DYRK2: variants seen among roughly 807,000 people sequenced by gnomAD.
DYRK2 encodes dual specificity tyrosine phosphorylation regulated kinase 2.
In DYRK2, 12 loss-of-function variants were observed where a neutral mutation model predicts 41.6. The observed-to-expected ratio is 0.29, with a 90% confidence interval of 0.18 to 0.47. DYRK2 has a LOEUF of 0.47. Ranked by LOEUF, DYRK2 falls within the 20% of genes least tolerant of loss-of-function variation. The pLI, the probability that DYRK2 is intolerant of heterozygous loss-of-function variation, is 1.00. For synonymous variants in DYRK2, 322 were observed against 315.7 expected (o/e 1.02, Z -0.21); for missense variants, 678 against 798.4 (o/e 0.85, Z 1.82).
Position 67,657,485 on chromosome 12 carries a change from G to A in DYRK2, c.578G>A (p.Gly193Asp). Residue 193 changes from glycine to aspartate, a missense_variant, in exon 3 of 3, where the codon GGC becomes GAC. Gly to Asp is a moderately conservative substitution (Grantham distance 94). Transcript: ENST00000344096. The surrounding 1 kb of genome is among the most constrained non-coding windows in gnomAD (Gnocchi z 4.8). ...FLGLNAKKRQ[G>D]MTGGPNNGGY... ...GGTCTAAATGCTAAGAAGCGCCAGG[G>A]CATGACAGGTGGGCCCAACAATGGT... The A allele has an allele frequency of 6.2e-7, 1 of 1,614,110 alleles. No homozygotes were observed. The highest frequency in any genetic ancestry group is 8.5e-7 in the Non-Finnish European group (1 of 1,180,010).
Position 67,657,990 on chromosome 12 carries a change from A to T in DYRK2, c.1083A>T (p.Arg361Ser). 1 of 1,614,244 alleles carries T rather than the reference A, an allele frequency of 6.2e-7. No individual in the cohort carries two copies. The highest frequency in any genetic ancestry group is 1.1e-5 in the South Asian group (1 of 91,086). The stretch of plus-strand genomic sequence containing the variant: ...ACATTTTGTTAAAGCAGCAGGGTAG[A>T]AGCGGTATTAAAGTAATTGATTTTG... ...PENILLKQQGRSGIKVIDFGS... is the reference protein window; with the variant it reads ...PENILLKQQGSSGIKVIDFGS... Residue 361 changes from arginine (R) to serine (S), a missense_variant, in exon 3 of 3, where the codon AGA becomes AGT. Physicochemically the swap from Arg to Ser is moderately radical, Grantham distance 110. Transcript: ENST00000344096. This position sits in a 1 kb window ranked among gnomAD's most constrained non-coding sequence, Gnocchi z 4.8.
chr12:67,649,215 G>C, intron 1 of DYRK2, 33 bp downstream of exon 1: 1 of 1,467,270 alleles, frequency 6.8e-7, no homozygotes, highest in Non-Finnish European at 9.1e-7. Context: ...CCGCATCCCC[G>C]GACCCCCGCC....
chr12:67,657,827 A>G lies in DYRK2; in HGVS notation c.920A>G (p.Asn307Ser). ...ATGACGTTTGAGCTGCTGAGCATGA[A>G]CCTCTATGAGCTCATCAAGAAGAAT... ...ICMTFELLSM[N>S]LYELIKKNKF... is the part of the protein sequence containing the mutation. The change falls in exon 3 of 3, where the codon AAC becomes AGC. Residue 307 changes from asparagine (N) to serine (S), a missense_variant. Around this residue, in one of 2 missense-constraint regions of DYRK2, gnomAD observed 393 missense variants for 519.1 expected, o/e 0.76. Transcript: ENST00000344096. The surrounding 1 kb of genome is among the most constrained non-coding windows in gnomAD (Gnocchi z 4.8). 6.2e-7 allele frequency: 1 copy of G among 1,614,098 alleles called. No individual in the cohort carries two copies. Among genetic ancestry groups the G allele is most frequent in the South Asian group, 1.1e-5 (1 of 91,050 alleles).
intron 2 of DYRK2, among the ~76,000 whole-genome samples, chr12:67,655,678 G>A (rs1355651699): frequency 6.6e-6 from 1 of 152,192 alleles, no homozygotes; most frequent in Non-Finnish European, 1.5e-5. Flanking sequence ...TTAGAAGTGG[G>A]CAGAGAGGAA....
chr12:67,658,478 T>C lies in DYRK2; in HGVS notation c.1571T>C (p.Met524Thr). 1 of 1,605,306 alleles carries C rather than the reference T, an allele frequency of 6.2e-7. No homozygotes were observed. ...TTAGAGTGGGATCCTGCAGTGCGCA[T>C]GACCCCAGGCCAGGCTTTGCGGCAC... ...QCLEWDPAVR[M>T]TPGQALRHPW... Residue 524 changes from methionine (M) to threonine (T), a missense_variant, in exon 3 of 3, where the codon ATG becomes ACG. By Grantham distance (81) the Met-to-Thr change is moderately conservative. Around this residue, in one of 2 missense-constraint regions of DYRK2, gnomAD observed 393 missense variants for 519.1 expected, o/e 0.76. Transcript: ENST00000344096. The surrounding 1 kb of genome is among the most constrained non-coding windows in gnomAD (Gnocchi z 4.3).
In DYRK2 at chr12:67,658,121, T is replaced by C. The variant is rs1275229370; in HGVS notation, c.1214T>C (p.Met405Thr). 2 of 1,614,216 alleles carry C rather than the reference T, an allele frequency of 1.2e-6. No homozygotes were observed. Among genetic ancestry groups the C allele is most frequent in the African/African-American group, 1.3e-5 (1 of 75,062 alleles). Residue 405 changes from methionine (M) to threonine (T), a missense_variant, in exon 3 of 3, where the codon ATG (methionine) becomes ACG (threonine). Physicochemically the swap from Met to Thr is moderately conservative, Grantham distance 81. Coordinates refer to ENST00000344096, the MANE Select transcript of DYRK2 (RefSeq NM_006482.3). The surrounding 1 kb of genome is among the most constrained non-coding windows in gnomAD (Gnocchi z 4.3). Reference sequence around the variant, plus strand: ...GCCAGGTATGGCATGCCCATTGATATGTGGAGCCTGGGCTGCATTTTAGCA... The same window carrying C: ...GCCAGGTATGGCATGCCCATTGATACGTGGAGCCTGGGCTGCATTTTAGCA... ...LGARYGMPID[M>T]WSLGCILAEL...
rs1872661359 is a variant in DYRK2 at position 67,662,923 on chromosome 12, G to T, written c.*4210G>T. Reference sequence around the variant, plus strand: ...CCCAGGATATTCTATTCCTTCACCTGTCAGATTTTTATGTTAACTTTTTTA... The same window carrying T: ...CCCAGGATATTCTATTCCTTCACCTTTCAGATTTTTATGTTAACTTTTTTA... On this transcript the variant is annotated 3_prime_UTR_variant, in exon 3 of 3. Transcript: ENST00000344096. 1 of 152,104 alleles carries T rather than the reference G, an allele frequency of 6.6e-6. No homozygotes were observed. The highest frequency in any genetic ancestry group is 6.6e-5 in the Admixed American group (1 of 15,262). 9.4% of individuals were successfully genotyped at this position (152,104 alleles called of 1,614,324 possible). A position where few individuals can be genotyped will look rare whatever the true frequency, so the allele number is the denominator to read the frequency against.
At chr12:67,649,543 C>A in intron 1 of DYRK2, 1 of 390,158 alleles carries the variant, frequency 2.6e-6, no homozygotes, top group Non-Finnish European at 4.4e-6. Context: ...CCGCCTAGCC[C>A]CGGCGCGGCC....
In DYRK2 at chr12:67,660,883, A is replaced by G. The variant is rs917899690; in HGVS notation, c.*2170A>G. The G allele has an allele frequency of 1.2e-5, 2 of 166,868 alleles. No homozygotes were observed. Among genetic ancestry groups the G allele is most frequent in the Non-Finnish European group, 2.9e-5 (2 of 68,104 alleles). The allele number at this position is 166,868 out of a possible 1,614,324, so 10.3% of individuals were successfully genotyped here. A position where few individuals can be genotyped will look rare whatever the true frequency, so the allele number is the denominator to read the frequency against. On this transcript the variant is annotated 3_prime_UTR_variant, in exon 3 of 3. Coordinates refer to ENST00000344096, the MANE Select transcript of DYRK2 (RefSeq NM_006482.3). ...CATTTCCAGTTATCTTCACATTTAC[A>G]TTTAAATATACAAACCTGAGCCTGC...
chr12:67,660,553 T>C lies in DYRK2; in HGVS notation c.*1840T>C, dbSNP rs992487826. 5 of 167,064 alleles carry C rather than the reference T, an allele frequency of 3.0e-5. No individual in the cohort carries two copies. The highest frequency in any genetic ancestry group is 9.6e-5 in the African/African-American group (4 of 41,456). 10.3% of individuals were successfully genotyped at this position (167,064 alleles called of 1,614,324 possible). ...AATTTGTACTTCTGTGTTTAGAAAT[T>C]ATAGCTTCTTTTCCCTTAGTCAAAT... is the stretch of plus-strand genomic sequence containing the variant. On this transcript the variant is annotated 3_prime_UTR_variant, in exon 3 of 3. Coordinates refer to ENST00000344096, the MANE Select transcript of DYRK2 (RefSeq NM_006482.3).
At position 67,663,259 on chromosome 12, in the gene DYRK2, ATG is replaced by A. The variant is rs1872669449; in HGVS notation, c.*4547_*4548del. On this transcript the variant is annotated 3_prime_UTR_variant, in exon 3 of 3. Transcript: ENST00000344096. ...AAGGCCTAGGAACTGCAATTAGCTCATGATTTGTCAAGTTCAGTTAGTACCAA... is the reference window on the plus strand; with the variant it reads ...AAGGCCTAGGAACTGCAATTAGCTCAATTTGTCAAGTTCAGTTAGTACCAA... The A allele has an allele frequency of 6.6e-6, 1 of 152,070 alleles. No homozygotes were observed. The highest frequency in any genetic ancestry group is 6.6e-5 in the Admixed American group (1 of 15,266). 9.4% of individuals were successfully genotyped at this position (152,070 alleles called of 1,614,324 possible).
rs1872258868 is a variant in DYRK2 at position 67,649,844 on chromosome 12, C to G, written c.97C>G (p.Leu33Val). ...TCGTCAGCTTCAGGCTTCCCCGGGGCTCGGTGCAGGGGCCACCCGGAGCGG... is the reference window on the plus strand; with the variant it reads ...TCGTCAGCTTCAGGCTTCCCCGGGGGTCGGTGCAGGGGCCACCCGGAGCGG... ...AVRQLQASPG[L>V]GAGATRSGVG... is the part of the protein sequence containing the mutation. Residue 33 changes from leucine (L) to valine (V), a missense_variant, in exon 2 of 3, where the codon CTC becomes GTC. This residue lies in a region of DYRK2 where 285 missense variants were observed against 279.2 expected (regional missense o/e 1.02). Transcript: ENST00000344096. The G allele has an allele frequency of 7.5e-7, 1 of 1,331,646 alleles. No homozygotes were observed. The highest frequency in any genetic ancestry group is 9.7e-7 in the Non-Finnish European group (1 of 1,035,746). The allele number at this position is 1,331,646 out of a possible 1,614,324, so 82.5% of individuals were successfully genotyped here.
At chr12:67,652,531 G>A (rs1052913013) in intron 2 of DYRK2, 3 of 152,194 alleles carry the variant, frequency 2.0e-5, no homozygotes, top group Non-Finnish European at 2.9e-5. Flanking sequence ...TGTTTGAGGA[G>A]GAGCTAAAAT....
In DYRK2 at chr12:67,660,659, C is replaced by G. The variant is rs1049496092; in HGVS notation, c.*1946C>G. ...AGTAAGTTACATTTTAAATAATGCT[C>G]ATGTGACAATACTCCCAATCAATGG... On this transcript the variant is annotated 3_prime_UTR_variant, in exon 3 of 3. Transcript: ENST00000344096. The G allele has an allele frequency of 6.0e-6, 1 of 166,892 alleles. No individual in the cohort carries two copies. The highest frequency in any genetic ancestry group is 1.5e-5 in the Non-Finnish European group (1 of 68,094). The allele number at this position is 166,892 out of a possible 1,614,324, so 10.3% of individuals were successfully genotyped here.
chr12:67,654,633 G>C (rs1198852943), intron 2 of DYRK2, among the ~76,000 whole-genome samples: 1 of 152,168 alleles, frequency 6.6e-6, no homozygotes, highest in Admixed American at 6.5e-5. Flanking sequence ...AGATTTTCCA[G>C]GCACACAGTG....
Position 67,658,101 on chromosome 12 carries a change from G to T in DYRK2, c.1194G>T (p.Arg398Ser). 1 of 1,614,236 alleles carries T rather than the reference G, an allele frequency of 6.2e-7. No homozygotes were observed. The highest frequency in any genetic ancestry group is 8.5e-7 in the Non-Finnish European group (1 of 1,180,044). The change falls in exon 3 of 3, where the codon AGG (arginine) becomes AGT (serine). Residue 398 changes from arginine (R) to serine (S), a missense_variant. This residue lies in a region of DYRK2 where 393 missense variants were observed against 519.1 expected (regional missense o/e 0.76). Transcript: ENST00000344096. The surrounding 1 kb of genome is among the most constrained non-coding windows in gnomAD (Gnocchi z 4.3). ...YRAPEVILGA[R>S]YGMPIDMWSL... ...CTCCAGAAGTGATCCTTGGGGCCAG[G>T]TATGGCATGCCCATTGATATGTGGA...
At chr12:67,650,384 C>T (rs984511009) in intron 2 of DYRK2, among the ~76,000 whole-genome samples, 1 of 152,226 alleles carries the variant, frequency 6.6e-6, no homozygotes, top group Non-Finnish European at 1.5e-5. Context: ...AAAATCGATC[C>T]CCCAAAGAGC....
At position 67,658,934 on chromosome 12, in the gene DYRK2, T is replaced by A. The variant is rs1872557846; in HGVS notation, c.*221T>A. On this transcript the variant is annotated 3_prime_UTR_variant, in exon 3 of 3. Coordinates refer to ENST00000344096, the MANE Select transcript of DYRK2 (RefSeq NM_006482.3). The surrounding 1 kb of genome is among the most constrained non-coding windows in gnomAD (Gnocchi z 4.3). ...TTATACTTTCAGAAACTTTTTGTGT[T>A]CTAAAAGTACAATGAGCCTTACTGT... The A allele has an allele frequency of 2.1e-6, 1 of 469,988 alleles. No homozygotes were observed. Among genetic ancestry groups the A allele is most frequent in the Admixed American group, 4.2e-5 (1 of 24,044 alleles). 29.1% of individuals were successfully genotyped at this position (469,988 alleles called of 1,614,324 possible). A position where few individuals can be genotyped will look rare whatever the true frequency, so the allele number is the denominator to read the frequency against.
Position 67,662,076 on chromosome 12 carries a change from G to T in DYRK2, c.*3363G>T, listed in dbSNP as rs1872637465. On this transcript the variant is annotated 3_prime_UTR_variant, in exon 3 of 3. Coordinates refer to ENST00000344096, the MANE Select transcript of DYRK2 (RefSeq NM_006482.3). ...ACACTTTAGGCATCAGTAGCATTGG[G>T]CCATATTGGAATCCTAAAGTGTGAA... 6.0e-6 allele frequency: 1 copy of T among 166,318 alleles called. No individual in the cohort carries two copies. Among genetic ancestry groups the T allele is most frequent in the African/African-American group, 2.4e-5 (1 of 41,364 alleles). The allele number at this position is 166,318 out of a possible 1,614,324, so 10.3% of individuals were successfully genotyped here. A position where few individuals can be genotyped will look rare whatever the true frequency, so the allele number is the denominator to read the frequency against.
Sources: allele counts gnomAD v4.1 joint callset (sites outside exome capture counted in the v4.1 genomes callset), GRCh38; gene constraint gnomAD v4.1.1; regional missense constraint gnomAD v4.1.1; non-coding constraint Gnocchi (gnomAD v3.1); transcripts MANE v1.5; gene names NCBI Gene and HGNC (gene_info 2026-07-23, HGNC 2026-07-21).